WASHC4: variants seen among roughly 807,000 people sequenced by gnomAD.
WASHC4 encodes WASH complex subunit 4.
WASHC4 carries 86 observed loss-of-function variants against 166.6 expected under a neutral mutation model. The observed-to-expected ratio is 0.52, with a 90% CI of 0.43 to 0.62. The LOEUF is 0.62. Among genes scored for constraint, WASHC4 ranks in the 20% least tolerant of loss-of-function variants. The probability of loss-of-function intolerance (pLI) is 0.00; values close to 1 mark genes in which losing one functional copy is unlikely to be tolerated. For synonymous variants in WASHC4, 446 were observed against 451.6 expected (o/e 0.99, Z 0.16); for missense variants, 1,262 against 1,382.4 (o/e 0.91, Z 1.38).
At chr12:105,120,467 A>G (rs1880622975) in intron 7 of WASHC4, 88 bp from the exon 8 acceptor site, 1 of 784,298 alleles carries the variant, frequency 1.3e-6, no homozygotes, top group African/African-American at 1.7e-5. Flanking sequence ...TAAAATTCCA[A>G]GATCATCTGC....
At chr12:105,148,358 A>G (rs1465684546) in intron 24 of WASHC4, 1 of 985,224 alleles carries the variant, frequency 1.0e-6, no homozygotes, top group Non-Finnish European at 1.2e-6. Flanking sequence ...TCAAATATTC[A>G]TGTAACAGAT....
chr12:105,115,371 CAG>C, intron 5 of WASHC4, 142 bp downstream of exon 5: 2 of 725,032 alleles, frequency 2.8e-6, no homozygotes, highest in Non-Finnish European at 4.9e-6. Context: ...GTTTGGTAAA[CAG>C]GTAAAAAAGC....
chr12:105,147,553 A>G lies in WASHC4; in HGVS notation c.2514+407A>G, dbSNP rs1031217529. ...TGCCCTTTTTGGGGCAGGGTTTGCTAATTATTTGATGTCCATATAAATAGG... is the reference window on the plus strand; with the variant it reads ...TGCCCTTTTTGGGGCAGGGTTTGCTGATTATTTGATGTCCATATAAATAGG... On this transcript the variant is annotated intron_variant, in intron 24 of 32. Transcript: ENST00000332180. 9 of 990,056 alleles carry G rather than the reference A, an allele frequency of 9.1e-6. No individual in the cohort carries two copies. In the African/African-American group the frequency reaches 1.0e-4, roughly 12 times the overall value. The allele number at this position is 990,056 out of a possible 1,614,324, so 61.3% of individuals were successfully genotyped here.
intron 13 of WASHC4, among the ~76,000 whole-genome samples, chr12:105,131,638 C>T (rs1329558776): frequency 6.6e-6 from 1 of 152,134 alleles, no homozygotes; most frequent in African/African-American, 2.4e-5. Context: ...CTCTCCTGTA[C>T]ATGGGATTCC....
intron 15 of WASHC4, 47 bp from the exon 16 acceptor site, chr12:105,140,247 G>A (rs1196808): frequency 0.85 from 1,220,438 of 1,436,270 alleles, 520,624 homozygotes; most frequent in East Asian, 1. Flanking sequence ...AATTTTGCCT[G>A]AAATTTTTAA....
intron 32 of WASHC4, among the ~76,000 whole-genome samples, chr12:105,165,200 A>C (rs1234527981): frequency 6.6e-6 from 1 of 152,220 alleles, no homozygotes; most frequent in African/African-American, 2.4e-5. Flanking sequence ...CTTCTTTCAT[A>C]GTCAGGCCCT....
intron 24 of WASHC4, chr12:105,148,044 TA>T (rs1487705721): frequency 7.1e-6 from 7 of 985,344 alleles, no homozygotes; most frequent in South Asian, 4.7e-5. Context: ...ATTTCTCCTT[TA>T]GGGGAGAAGA....
chr12:105,131,581 T>C (rs956341312), intron 13 of WASHC4, among the ~76,000 whole-genome samples: 6 of 152,310 alleles, frequency 3.9e-5, no homozygotes, highest in Middle Eastern at 3.4e-3. Context: ...AGTTCCATAG[T>C]CTAGCCTAGG....
chr12:105,145,824 A>G (rs1883245072), intron 22 of WASHC4, among the ~76,000 whole-genome samples: 2 of 152,122 alleles, frequency 1.3e-5, no homozygotes, highest in African/African-American at 4.8e-5. Context: ...TATCTATTTA[A>G]AGAATGAAGG....
chr12:105,160,926 C>G (rs1196876), intron 29 of WASHC4, among the ~76,000 whole-genome samples: 76,141 of 151,970 alleles, frequency 0.5, 19,274 homozygotes, highest in Middle Eastern at 0.68. Context: ...TGTTCTTGCT[C>G]TAACTCTGTA....
At chr12:105,108,861 AAGT>A (rs1471864249) in intron 1 of WASHC4, among the ~76,000 whole-genome samples, 48 of 152,340 alleles carry the variant, frequency 3.2e-4, no homozygotes, top group Middle Eastern at 6.8e-3. Flanking sequence ...TAGGTTTTAC[AAGT>A]CTCTCAGAGA....
Position 105,168,697 on chromosome 12 carries a change from A to G in WASHC4, c.*1766A>G, listed in dbSNP as rs1468812464. On this transcript the variant is annotated 3_prime_UTR_variant, in exon 33 of 33. Coordinates refer to ENST00000332180, the MANE Select transcript of WASHC4 (RefSeq NM_015275.3). Reference sequence around the variant, plus strand: ...ACAGTTGAGAAGAAAATGACAGACAATTATTTTTCCTTTAGGTCAAAATAA... The same window carrying G: ...ACAGTTGAGAAGAAAATGACAGACAGTTATTTTTCCTTTAGGTCAAAATAA... The G allele has an allele frequency of 6.6e-6, 1 of 152,038 alleles. No individual in the cohort carries two copies. Among genetic ancestry groups the G allele is most frequent in the Non-Finnish European group, 1.5e-5 (1 of 67,934 alleles). 9.4% of individuals were successfully genotyped at this position (152,038 alleles called of 1,614,324 possible). A position where few individuals can be genotyped will look rare whatever the true frequency, so the allele number is the denominator to read the frequency against.
intron 30 of WASHC4, 117 bp downstream of exon 30, chr12:105,162,962 C>A (rs1211927074): frequency 1.3e-5 from 8 of 630,724 alleles, no homozygotes; most frequent in Middle Eastern, 4.4e-4. Context: ...TTTCTTTTTT[C>A]TTTTTTATTT....
chr12:105,129,419 C>G (rs1389818431), intron 13 of WASHC4, among the ~76,000 whole-genome samples: 2 of 152,112 alleles, frequency 1.3e-5, no homozygotes, highest in African/African-American at 2.4e-5. Flanking sequence ...TATTTTTAAA[C>G]TTTTAAGTTC....
intron 13 of WASHC4, among the ~76,000 whole-genome samples, chr12:105,129,994 C>G (rs1331142697): frequency 6.6e-6 from 1 of 152,144 alleles, no homozygotes; most frequent in South Asian, 2.1e-4. Context: ...ATTCCAGGAA[C>G]TTGACACATA....
intron 6 of WASHC4, among the ~76,000 whole-genome samples, 169 bp downstream of exon 6, chr12:105,115,897 T>C (rs1416191849): frequency 1.3e-5 from 2 of 152,154 alleles, no homozygotes; most frequent in Non-Finnish European, 2.9e-5. Context: ...CTAAAAGATT[T>C]CCAAGTATTT....
chr12:105,164,025 C>A, intron 30 of WASHC4, 86 bp from the exon 31 acceptor site: 1 of 1,159,306 alleles, frequency 8.6e-7, no homozygotes, highest in Admixed American at 1.7e-5. Flanking sequence ...ACTCAGAATG[C>A]TTAGTGTTGG....
At chr12:105,131,805 G>A (rs1380192699) in intron 13 of WASHC4, among the ~76,000 whole-genome samples, 1 of 152,174 alleles carries the variant, frequency 6.6e-6, no homozygotes, top group Non-Finnish European at 1.5e-5. Flanking sequence ...CACAAAGTAT[G>A]ACTATTTGTG....
In WASHC4 at chr12:105,167,423, T is replaced by C. The variant is rs2135852056; in HGVS notation, c.*492T>C. 1 of 161,700 alleles carries C rather than the reference T, an allele frequency of 6.2e-6. No individual in the cohort carries two copies. Among genetic ancestry groups the C allele is most frequent in the East Asian group, 1.7e-4 (1 of 5,802 alleles). 10.0% of individuals were successfully genotyped at this position (161,700 alleles called of 1,614,324 possible). A position where few individuals can be genotyped will look rare whatever the true frequency, so the allele number is the denominator to read the frequency against. ...TAAAAGGAATATATGAAGATGGCTT[T>C]GATACTAGAGGTGAGGCACAAGTGT... is the stretch of plus-strand genomic sequence containing the variant. On this transcript the variant is annotated 3_prime_UTR_variant, in exon 33 of 33. Coordinates refer to ENST00000332180, the MANE Select transcript of WASHC4 (RefSeq NM_015275.3).
Sources: allele counts gnomAD v4.1 joint callset (sites outside exome capture counted in the v4.1 genomes callset), GRCh38; gene constraint gnomAD v4.1.1; transcripts MANE v1.5; gene names NCBI Gene and HGNC (gene_info 2026-07-23, HGNC 2026-07-21).